Variants in MED27 observed in about 807,000 individuals in gnomAD.
MED27 encodes the protein mediator of RNA polymerase II transcription subunit 27.
MED27 carries 30 observed loss-of-function variants against 38.2 expected under a neutral mutation model. The ratio of observed to expected loss-of-function variants is 0.79; its 90% confidence interval spans 0.59 to 1.07. MED27 has a LOEUF of 1.07. Ranked by LOEUF, MED27 falls within the 50% of genes least tolerant of loss-of-function variation. The pLI is 0.00. For synonymous variants in MED27, 122 were observed against 153.5 expected (o/e 0.79, Z 1.52); for missense variants, 289 against 397.5 (o/e 0.73, Z 2.32).
chr9:132,023,286 C>T (rs1398250962), intron 2 of MED27, among the ~76,000 whole-genome samples: 1 of 152,126 alleles, frequency 6.6e-6, no homozygotes, highest in Non-Finnish European at 1.5e-5. Context: ...TGTCTCAGTT[C>T]TAAACACTGA....
At chr9:132,025,258 G>C (rs576482675) in intron 2 of MED27, among the ~76,000 whole-genome samples, 16 of 151,226 alleles carry the variant, frequency 1.1e-4, no homozygotes, top group African/African-American at 3.9e-4. Context: ...TCCTCTCACC[G>C]CAATCTCTGC....
At chr9:131,923,454 A>C (rs1830432249) in intron 4 of MED27, among the ~76,000 whole-genome samples, 1 of 152,206 alleles carries the variant, frequency 6.6e-6, no homozygotes. Flanking sequence ...CCCTAGCTTA[A>C]GGGTTTAGGG....
At chr9:132,040,410 A>T (rs1441374519) in intron 2 of MED27, among the ~76,000 whole-genome samples, 3 of 152,172 alleles carry the variant, frequency 2.0e-5, no homozygotes, top group Non-Finnish European at 4.4e-5. Flanking sequence ...TTGGGATGAG[A>T]GGTGGGGCCG....
Position 132,061,123 on chromosome 9 carries a change from T to C in MED27, c.348+16319A>G, listed in dbSNP as rs144888350. On this transcript the variant is annotated intron_variant, in intron 2 of 7. Coordinates refer to ENST00000292035, the MANE Select transcript of MED27 (RefSeq NM_004269.4). ...ATTTCTCCAACACTAAAGGACACTT[T>C]AGGATAGAAAGGGGGGCGGCAAAAG... Among the ~76,000 whole-genome samples, 240 of 152,286 alleles carry C rather than the reference T, an allele frequency of 1.6e-3. 1 individual carries two copies. Among genetic ancestry groups the C allele is most frequent in the African/African-American group, 5.5e-3 (229 of 41,550 alleles).
intron 3 of MED27, among the ~76,000 whole-genome samples, chr9:131,987,377 T>C (rs1271950674): frequency 2.0e-5 from 3 of 152,146 alleles, no homozygotes; most frequent in African/African-American, 7.2e-5. Context: ...TCTCATGCGA[T>C]GTGGTGTGTC....
chr9:132,046,146 C>T (rs62581896), intron 2 of MED27, among the ~76,000 whole-genome samples: 9,585 of 152,036 alleles, frequency 0.063, 422 homozygotes, highest in Non-Finnish European at 0.094. Flanking sequence ...TCAGAACTGA[C>T]GAATCGAGAG....
At chr9:131,868,732 C>T (rs1038892246) in intron 6 of MED27, 5 of 985,358 alleles carry the variant, frequency 5.1e-6, no homozygotes, top group Non-Finnish European at 6.0e-6. Flanking sequence ...CCCGCTCTCC[C>T]AGTTTGCAGA....
chr9:132,011,351 T>C (rs1356709208), intron 3 of MED27, among the ~76,000 whole-genome samples: 3 of 152,220 alleles, frequency 2.0e-5, no homozygotes, highest in South Asian at 2.1e-4. Flanking sequence ...TATTTTTTAA[T>C]GTTTTTGTTA....
chr9:131,898,625 T>A (rs141437497), intron 4 of MED27, among the ~76,000 whole-genome samples: 367 of 151,886 alleles, frequency 2.4e-3, no homozygotes, highest in African/African-American at 8.3e-3. Context: ...TCTCGCTCTG[T>A]CTCCCATGTT....
chr9:131,946,336 T>C (rs1380793888), intron 3 of MED27, among the ~76,000 whole-genome samples: 1 of 152,208 alleles, frequency 6.6e-6, no homozygotes, highest in Non-Finnish European at 1.5e-5. Context: ...CTATTTTCCA[T>C]AATGACTGTA....
chr9:131,868,667 C>T (rs1318090262), intron 6 of MED27: 1 of 985,376 alleles, frequency 1.0e-6, no homozygotes, highest in Non-Finnish European at 1.2e-6. Context: ...AGTGTGGGAG[C>T]CCGAACACTG....
At chr9:132,066,763 C>T (rs1375821848) in intron 2 of MED27, among the ~76,000 whole-genome samples, 4 of 152,256 alleles carry the variant, frequency 2.6e-5, no homozygotes, top group Non-Finnish European at 5.9e-5. Context: ...TCCCCTCCCG[C>T]ACACAGGCCA....
Position 131,883,948 on chromosome 9 carries a change from TG to T in MED27, c.723+109del. 1.1e-6 allele frequency: 1 copy of T among 928,574 alleles called. No individual in the cohort carries two copies. Among genetic ancestry groups the T allele is most frequent in the Non-Finnish European group, 1.7e-6 (1 of 602,172 alleles). 57.5% of individuals were successfully genotyped at this position (928,574 alleles called of 1,614,324 possible). ...CAGACAGTGAGCATCCTTTTCTGTCTGGCTTTTTTCACTTTTTCAAAAGCCT... is the reference window on the plus strand; with the variant it reads ...CAGACAGTGAGCATCCTTTTCTGTCTGCTTTTTTCACTTTTTCAAAAGCCT... On this transcript the variant is annotated intron_variant, in intron 6 of 7. Coordinates refer to ENST00000292035, the MANE Select transcript of MED27 (RefSeq NM_004269.4). The surrounding 1 kb of genome is among the most constrained non-coding windows in gnomAD (Gnocchi z 4.2).
At chr9:131,986,996 T>C (rs1371091266) in intron 3 of MED27, among the ~76,000 whole-genome samples, 2 of 133,816 alleles carry the variant, frequency 1.5e-5, no homozygotes, top group Non-Finnish European at 3.2e-5. Context: ...CTTGAGTTCA[T>C]GGATTTTTTT....
intron 3 of MED27, among the ~76,000 whole-genome samples, chr9:132,006,209 G>A (rs1832355693): frequency 6.6e-6 from 1 of 152,064 alleles, no homozygotes; most frequent in South Asian, 2.1e-4. Context: ...CGACATCTCT[G>A]CCCACCAGCC....
rs1839075131 is a variant in MED27 at position 131,883,030 on chromosome 9, C to T, written c.723+1028G>A. The stretch of plus-strand genomic sequence containing the variant: ...TTAAGCAATTCTTCTGCCTCAGCCT[C>T]CTGAGTAGCTAGGATTATAGGCGCC... On this transcript the variant is annotated intron_variant, in intron 6 of 7. Transcript: ENST00000292035. This position sits in a 1 kb window ranked among gnomAD's most constrained non-coding sequence, Gnocchi z 4.2. Among the ~76,000 whole-genome samples, 1 of 152,094 alleles carries T rather than the reference C, an allele frequency of 6.6e-6. No individual in the cohort carries two copies. Among genetic ancestry groups the T allele is most frequent in the Non-Finnish European group, 1.5e-5 (1 of 68,020 alleles).
intron 2 of MED27, chr9:132,032,274 G>A (rs767138203): frequency 3.9e-5 from 6 of 152,168 alleles, no homozygotes; most frequent in Non-Finnish European, 4.4e-5. Flanking sequence ...ATAAAATCAT[G>A]TTTTTAGGCT....
chr9:131,915,267 G>C lies in MED27; in HGVS notation c.574-21275C>G, dbSNP rs75370653. Among the ~76,000 whole-genome samples the C allele has an allele frequency of 2.1e-3, 322 of 152,298 alleles. 1 individual carries two copies. Among genetic ancestry groups the C allele is most frequent in the African/African-American group, 7.6e-3 (314 of 41,546 alleles). On this transcript the variant is annotated intron_variant, in intron 4 of 7. Transcript: ENST00000292035. ...GGTGACCCTGAATAAACTGTAGCTA[G>C]TATTATGATAGCTTATTTTAAGGCA... is the stretch of plus-strand genomic sequence containing the variant.
intron 2 of MED27, among the ~76,000 whole-genome samples, chr9:132,019,378 T>C (rs894479761): frequency 4.6e-5 from 7 of 152,218 alleles, no homozygotes; most frequent in Admixed American, 1.3e-4. Context: ...AGTCCTCTTA[T>C]GGCTGGCCTC....
Sources: allele counts gnomAD v4.1 joint callset (sites outside exome capture counted in the v4.1 genomes callset), GRCh38; gene constraint gnomAD v4.1.1; non-coding constraint Gnocchi (gnomAD v3.1); transcripts MANE v1.5; gene names NCBI Gene and HGNC (gene_info 2026-07-23, HGNC 2026-07-21).